The following ATP5MF variants were observed in gnomAD, a reference collection of about 807,000 sequenced individuals.
ATP5MF encodes ATP synthase F(0) complex subunit f, mitochondrial.
Under a neutral mutation model 13.8 loss-of-function variants are expected in ATP5MF, and 10 were observed. The ratio of observed to expected loss-of-function variants is 0.72; its 90% CI spans 0.45 to 1.23. ATP5MF has a LOEUF of 1.23. ATP5MF is among the 50% of genes most tolerant of loss of function. The pLI, the probability that ATP5MF is intolerant of heterozygous loss-of-function variation, is 0.00. For missense variants in ATP5MF, 122 were observed against 118.2 expected (o/e 1.03, Z -0.15); for synonymous variants, 40 against 45.8 (o/e 0.87, Z 0.51).
rs565413845 is a variant in ATP5MF at position 99,466,159 on chromosome 7, C to A, written c.-18G>T. The A allele has an allele frequency of 6.2e-7, 1 of 1,614,154 alleles. No individual in the cohort carries two copies. Among genetic ancestry groups the A allele is most frequent in the African/African-American group, 1.3e-5 (1 of 75,044 alleles). On this transcript the variant is annotated 5_prime_UTR_variant, in exon 1 of 4. Transcript: ENST00000292475. ...GACGCCATTTTGGAGTCCTGGTGTC[C>A]GCTGTGCCGGACCGCGCGAGGGCTG...
chr7:99,460,605 G>A, intron 1 of ATP5MF: 1 of 478,346 alleles, frequency 2.1e-6, no homozygotes, highest in South Asian at 1.5e-5. Flanking sequence ...TAGACTCAGA[G>A]AGGTTGGGCC....
intron 2 of ATP5MF, 167 bp downstream of exon 2, chr7:99,459,919 C>T: frequency 1.4e-6 from 1 of 727,402 alleles, no homozygotes; most frequent in Non-Finnish European, 2.2e-6. Context: ...TTGAAAGGGC[C>T]AATCAACCAC....
chr7:99,461,895 C>T (rs558486301), intron 1 of ATP5MF, among the ~76,000 whole-genome samples: 1,781 of 150,700 alleles, frequency 0.012, 21 homozygotes, highest in Non-Finnish European at 0.016. Flanking sequence ...TGACCTCAGG[C>T]GATCTGCCCA....
At chr7:99,459,834 C>T (rs1798519464) in intron 2 of ATP5MF, 1 of 473,780 alleles carries the variant, frequency 2.1e-6, no homozygotes, top group Non-Finnish European at 3.7e-6. Context: ...TAGGATTTCT[C>T]TAAGACAGAG....
chr7:99,462,697 C>T lies in ATP5MF; in HGVS notation c.32-2504G>A, dbSNP rs867201872. Reference sequence around the variant, plus strand: ...GGCTGAGACAGGAGAATCGCTTAAACCTGGGAGGTAGAGGTTGCAGTGAGC... The same window carrying T: ...GGCTGAGACAGGAGAATCGCTTAAATCTGGGAGGTAGAGGTTGCAGTGAGC... On this transcript the variant is annotated intron_variant, in intron 1 of 3. Transcript: ENST00000292475. Among the ~76,000 whole-genome samples, 52 of 152,286 alleles carry T rather than the reference C, an allele frequency of 3.4e-4. 2 individuals are homozygous for T. The Middle Eastern group carries it at 0.031, about 90-fold the overall frequency.
At chr7:99,459,057 T>C (rs1798472583) in intron 3 of ATP5MF, 90 bp downstream of exon 3, 1 of 975,968 alleles carries the variant, frequency 1.0e-6, no homozygotes, top group Admixed American at 2.0e-5. Flanking sequence ...TCCCTCAGCC[T>C]CAGAAGAAGG....
At chr7:99,458,476 T>G in intron 3 of ATP5MF, 121 bp from the exon 4 acceptor site, 1 of 1,014,254 alleles carries the variant, frequency 9.9e-7, no homozygotes. Context: ...AGATGACCCA[T>G]GACCCGCCTG....
In ATP5MF at chr7:99,459,265, T is replaced by C. The variant is rs1203670563; in HGVS notation, c.140-2A>G. ...ACTTGTTGTAGTACCGGTAGTAACC[T>C]GCAAACGCAAGAGGCGCTCACTGCC... is the stretch of plus-strand genomic sequence containing the variant. On this transcript the variant is annotated splice_acceptor_variant, in intron 2 of 3. Coordinates refer to ENST00000292475, the MANE Select transcript of ATP5MF (RefSeq NM_004889.5). LOFTEE classifies it high-confidence loss of function. 20 of 1,610,104 alleles carry C rather than the reference T, an allele frequency of 1.2e-5. No homozygotes were observed. Among genetic ancestry groups the C allele is most frequent in the Non-Finnish European group, 1.6e-5 (19 of 1,176,314 alleles).
intron 2 of ATP5MF, 69 bp downstream of exon 2, chr7:99,460,017 T>G: frequency 6.5e-7 from 1 of 1,530,164 alleles, no homozygotes; most frequent in Non-Finnish European, 8.8e-7. Flanking sequence ...CCAAATTAAT[T>G]CATGGCAAAA....
chr7:99,461,388 A>T (rs1798593515), intron 1 of ATP5MF, among the ~76,000 whole-genome samples: 1 of 151,676 alleles, frequency 6.6e-6, no homozygotes, highest in Non-Finnish European at 1.5e-5. Context: ...GATAAGTTTT[A>T]AAAAGCTTTT....
intron 1 of ATP5MF, 178 bp from the exon 2 acceptor site, chr7:99,460,371 G>C (rs1798545564): frequency 2.6e-6 from 2 of 761,186 alleles, no homozygotes; most frequent in South Asian, 1.5e-5. Context: ...TTTTAAGACT[G>C]AGTCTATACA....
Position 99,459,201 on chromosome 7 carries a change from T to C in ATP5MF, c.202A>G (p.Met68Val), listed in dbSNP as rs375647357. 38 of 1,614,152 alleles carry C rather than the reference T, an allele frequency of 2.4e-5. No individual in the cohort carries two copies. The highest frequency in any genetic ancestry group is 3.1e-5 in the Non-Finnish European group (37 of 1,180,024). Residue 68 changes from methionine (M) to valine (V), a missense_variant, in exon 3 of 4, where the codon ATG becomes GTG. Transcript: ENST00000292475. ...VKKGSISGIT[M>V]VLACYVLFSY... ...AAGAGCACGTAGCATGCCAGCACCA[T>C]GGTAATCCCCGAGATGCTCCCCTTC...
At chr7:99,459,595 T>C (rs1425409655) in intron 2 of ATP5MF, 2 of 296,184 alleles carry the variant, frequency 6.8e-6, no homozygotes, top group East Asian at 8.8e-5. Flanking sequence ...GTGTGGTTTT[T>C]TTTATAGAGA....
At chr7:99,458,990 C>T in intron 3 of ATP5MF, 157 bp downstream of exon 3, 1 of 605,222 alleles carries the variant, frequency 1.7e-6, no homozygotes, top group Non-Finnish European at 2.9e-6. Context: ...ACATACTGTA[C>T]TCTGATAGGT....
intron 3 of ATP5MF, 63 bp from the exon 4 acceptor site, chr7:99,458,418 A>G: frequency 2.0e-6 from 3 of 1,533,544 alleles, no homozygotes; most frequent in Non-Finnish European, 2.7e-6. Flanking sequence ...ACAGCATGGC[A>G]GGAAGCAGGC....
At chr7:99,460,332 T>A (rs1798544167) in intron 1 of ATP5MF, 139 bp from the exon 2 acceptor site, 1 of 916,900 alleles carries the variant, frequency 1.1e-6, no homozygotes, top group Non-Finnish European at 1.7e-6. Flanking sequence ...CACAATATTA[T>A]GAAGAAATAT....
At chr7:99,459,403 A>G in intron 2 of ATP5MF, 140 bp from the exon 3 acceptor site, 2 of 667,828 alleles carry the variant, frequency 3.0e-6, no homozygotes, top group Non-Finnish European at 5.4e-6. Flanking sequence ...TCACTGGCTG[A>G]TAAAGATGAC....
chr7:99,459,258 A>T lies in ATP5MF; in HGVS notation c.145T>A (p.Tyr49Asn), dbSNP rs1036715957. 14 of 1,612,772 alleles carry T rather than the reference A, an allele frequency of 8.7e-6. No homozygotes were observed. The highest frequency in any genetic ancestry group is 1.3e-5 in the African/African-American group (1 of 74,904). Residue 49 changes from tyrosine to asparagine, a missense_variant, in exon 3 of 4, where the codon TAC becomes AAC. Tyr to Asn is a moderately radical substitution (Grantham distance 143, BLOSUM62 -2). Transcript: ENST00000292475. ...GIFGAFQRGY[Y>N]RYYNKYINVK... ...TTGATGTACTTGTTGTAGTACCGGT[A>T]GTAACCTGCAAACGCAAGAGGCGCT...
At chr7:99,465,995 C>G in intron 1 of ATP5MF, 116 bp downstream of exon 1, 1 of 1,552,900 alleles carries the variant, frequency 6.4e-7, no homozygotes, top group Non-Finnish European at 8.8e-7. Flanking sequence ...CAAGTGAGGT[C>G]GTGGCGAAGT....
Sources: gnomAD v4.1 joint callset for allele counts (sites outside exome capture counted in the v4.1 genomes callset) on GRCh38, gnomAD v4.1.1 for gene constraint, MANE v1.5 for transcripts, NCBI Gene and HGNC (gene_info 2026-07-23, HGNC 2026-07-21) for gene names.